The following KDM3A variants were observed in gnomAD, a reference collection of about 807,000 sequenced individuals.
The protein encoded by KDM3A is lysine demethylase 3A.
In KDM3A, 60 loss-of-function variants were observed where a neutral mutation model predicts 158.0. The ratio of observed to expected loss-of-function variants is 0.38; its 90% CI spans 0.31 to 0.47. The LOEUF (loss-of-function observed/expected upper bound fraction) is 0.47. KDM3A is among the 20% of genes least tolerant of loss of function. KDM3A has a pLI of 0.99. For missense variants in KDM3A, 1,319 were observed against 1,574.3 expected, an observed-to-expected ratio of 0.84 and a Z score of 2.74; for synonymous variants, 608 against 549.3, an observed-to-expected ratio of 1.11 and a Z score of -1.49.
At chr2:86,461,973 C>G (rs1160647899) in intron 8 of KDM3A, among the ~76,000 whole-genome samples, 1 of 151,986 alleles carries the variant, frequency 6.6e-6, no homozygotes, top group Non-Finnish European at 1.5e-5. Flanking sequence ...CTGCCGTGAT[C>G]TTATTTGATT....
At position 86,456,791 on chromosome 2, in the gene KDM3A, C is replaced by A; in HGVS notation, c.682-14C>A. 6.3e-7 allele frequency: 1 copy of A among 1,598,354 alleles called. No individual in the cohort carries two copies. Among genetic ancestry groups the A allele is most frequent in the South Asian group, 1.1e-5 (1 of 90,100 alleles). On this transcript the variant is annotated splice_polypyrimidine_tract_variant and intron_variant, in intron 6 of 25. Transcript: ENST00000312912. Reference sequence around the variant, plus strand: ...TTTTTATTTTCCGGTATCTTTGTTTCATTTATTTTTAAGATTCCAGCACTG... The same window carrying A: ...TTTTTATTTTCCGGTATCTTTGTTTAATTTATTTTTAAGATTCCAGCACTG...
At position 86,465,655 on chromosome 2, in the gene KDM3A, CATCTT is replaced by C. The variant is rs1216441828; in HGVS notation, c.1008-716_1008-712del. On this transcript the variant is annotated intron_variant, in intron 9 of 25. Transcript: ENST00000312912. ...AACTCCTGGCCTCTAGCAGTCCTCT[CATCTT>C]GGCCTCCCAGAATCCTGGGATTACA... Among the ~76,000 whole-genome samples the C allele has an allele frequency of 3.3e-5, 5 of 152,126 alleles. No homozygotes were observed. The South Asian group carries it at 6.2e-4, about 19-fold the overall frequency.
At position 86,491,028 on chromosome 2, in the gene KDM3A, G is replaced by A. The variant is rs1003083439; in HGVS notation, c.3721G>A (p.Val1241Met). 1.2e-6 allele frequency: 2 copies of A among 1,613,752 alleles called. No homozygotes were observed. The highest frequency in any genetic ancestry group is 1.7e-6 in the Non-Finnish European group (2 of 1,179,894). Reference protein sequence around the residue: ...WAIVQFLGDVVFIPAGAPHQV... With the variant: ...WAIVQFLGDVMFIPAGAPHQV... ...TATTGTACAGTTTCTTGGGGATGTGGTGTTTATCCCGGCAGGAGCTCCACA... is the reference window on the plus strand; with the variant it reads ...TATTGTACAGTTTCTTGGGGATGTGATGTTTATCCCGGCAGGAGCTCCACA... Residue 1241 changes from valine to methionine, a missense_variant, in exon 24 of 26, where the codon GTG (valine) becomes ATG (methionine). Val to Met is a conservative substitution (Grantham distance 21). Transcript: ENST00000312912.
chr2:86,492,059 T>C lies in KDM3A; in HGVS notation c.3906T>C (p.His1302=). ...DKLQVKNVIY[H]AVKDAVAMLK... is the part of the protein sequence containing the mutation. Reference sequence around the variant, plus strand: ...TTTAGGTGAAGAATGTTATCTACCATGCAGTGAAAGATGCAGTTGCTATGC... The same window carrying C: ...TTTAGGTGAAGAATGTTATCTACCACGCAGTGAAAGATGCAGTTGCTATGC... Residue 1302 remains histidine (H), a synonymous_variant, in exon 26 of 26, where the codon CAT becomes CAC. Transcript: ENST00000312912. 1 of 1,613,194 alleles carries C rather than the reference T, an allele frequency of 6.2e-7. No homozygotes were observed. Among genetic ancestry groups the C allele is most frequent in the Non-Finnish European group, 8.5e-7 (1 of 1,179,298 alleles).
chr2:86,471,341 G>GTA (rs892332430), intron 11 of KDM3A, among the ~76,000 whole-genome samples: 8 of 150,182 alleles, frequency 5.3e-5, no homozygotes, highest in East Asian at 1.9e-4. Context: ...GTGTATATAT[G>GTA]TATATATGTG....
At chr2:86,440,552 T>C (rs1682640607), upstream of KDM3A, 1 of 152,220 alleles carries the variant, frequency 6.6e-6, no homozygotes, top group Non-Finnish European at 1.5e-5. Flanking sequence ...TCTTTGTAAG[T>C]ATCTGAATAC....
At chr2:86,445,678 T>C (rs1459584791) in intron 2 of KDM3A, among the ~76,000 whole-genome samples, 2 of 152,234 alleles carry the variant, frequency 1.3e-5, no homozygotes, top group Non-Finnish European at 2.9e-5. Flanking sequence ...ATGCCTAGCC[T>C]TTCATTTTTG....
chr2:86,445,064 T>C (rs1165339404), intron 2 of KDM3A, among the ~76,000 whole-genome samples: 1 of 152,204 alleles, frequency 6.6e-6, no homozygotes, highest in Non-Finnish European at 1.5e-5. Flanking sequence ...AAACTGAGGC[T>C]TAAAGAAGTT....
intron 10 of KDM3A, among the ~76,000 whole-genome samples, chr2:86,469,444 C>T (rs572392756): frequency 6.6e-6 from 1 of 152,194 alleles, no homozygotes; most frequent in Non-Finnish European, 1.5e-5. Flanking sequence ...AAATGGATTC[C>T]TTACTTTGTT....
intron 2 of KDM3A, among the ~76,000 whole-genome samples, chr2:86,449,210 C>T (rs1191135713): frequency 2.6e-5 from 4 of 152,178 alleles, no homozygotes; most frequent in African/African-American, 9.7e-5. Flanking sequence ...TTTTGTTAAT[C>T]ACTCGTTTCT....
chr2:86,471,259 A>G (rs893506207), intron 11 of KDM3A, among the ~76,000 whole-genome samples: 2 of 150,782 alleles, frequency 1.3e-5, no homozygotes, highest in African/African-American at 4.9e-5. Flanking sequence ...ATATGTGTGT[A>G]TATATATGTG....
At chr2:86,489,252 G>A (rs980546627) in intron 21 of KDM3A, 66 bp from the exon 22 acceptor site, 13 of 1,552,816 alleles carry the variant, frequency 8.4e-6, no homozygotes, top group Non-Finnish European at 9.6e-6. Flanking sequence ...CCCCCAGGTA[G>A]GTAGTGGAAA....
intron 8 of KDM3A, among the ~76,000 whole-genome samples, chr2:86,462,484 T>C (rs1034899955): frequency 6.6e-6 from 1 of 152,142 alleles, no homozygotes; most frequent in African/African-American, 2.4e-5. Flanking sequence ...AAAGGGACTT[T>C]AGGAATAAAC....
chr2:86,460,911 G>A (rs1672899605), intron 8 of KDM3A: 1 of 152,176 alleles, frequency 6.6e-6, no homozygotes, highest in Admixed American at 6.5e-5. Context: ...GGGAATTGGA[G>A]TCCTGTTCCT....
chr2:86,438,361 T>C (rs970156228), upstream of KDM3A, among the ~76,000 whole-genome samples: 1 of 152,020 alleles, frequency 6.6e-6, no homozygotes, highest in Non-Finnish European at 1.5e-5. Context: ...GGAGATTGGG[T>C]AGATGTTGGT....
chr2:86,448,486 T>A (rs1337799251), intron 2 of KDM3A, among the ~76,000 whole-genome samples: 1 of 152,198 alleles, frequency 6.6e-6, no homozygotes, highest in African/African-American at 2.4e-5. Flanking sequence ...AATTTAATTG[T>A]CAATCAGTTA....
chr2:86,472,715 T>A (rs188394693), intron 11 of KDM3A, among the ~76,000 whole-genome samples: 14 of 152,302 alleles, frequency 9.2e-5, no homozygotes, highest in Admixed American at 7.8e-4. Context: ...ACATGATGAC[T>A]TTTGATAGCT....
At chr2:86,444,596 A>G (rs369757908) in intron 2 of KDM3A, among the ~76,000 whole-genome samples, 23 of 150,912 alleles carry the variant, frequency 1.5e-4, no homozygotes, top group African/African-American at 5.6e-4. Flanking sequence ...TGGAGGCAGG[A>G]ACCAAGTAAC....
chr2:86,487,368 G>A (rs1270696834), intron 21 of KDM3A: 1 of 152,110 alleles, frequency 6.6e-6, no homozygotes, highest in Non-Finnish European at 1.5e-5. Context: ...ATATCTTATT[G>A]TAAACATCAT....
Sources: allele counts gnomAD v4.1 joint callset (sites outside exome capture counted in the v4.1 genomes callset), GRCh38; gene constraint gnomAD v4.1.1; transcripts MANE v1.5; gene names NCBI Gene and HGNC (gene_info 2026-07-23, HGNC 2026-07-21).